Variants in SRPK2 observed in about 807,000 individuals in gnomAD.
SRPK2 encodes SRSF protein kinase 2.
Under a neutral mutation model 90.8 loss-of-function variants are expected in SRPK2, and 21 were observed. That is an observed-to-expected ratio of 0.23 (90% CI 0.16 to 0.33). The LOEUF is 0.33. Ranked by LOEUF, SRPK2 falls within the 10% of genes least tolerant of loss-of-function variation. The pLI, the probability that SRPK2 is intolerant of heterozygous loss-of-function variation, is 1.00. For missense variants in SRPK2, 620 were observed against 869.0 expected, an observed-to-expected ratio of 0.71 and a Z score of 3.60; for synonymous variants, 288 against 311.1, an observed-to-expected ratio of 0.93 and a Z score of 0.78.
Position 105,388,848 on chromosome 7 carries a change from A to G in SRPK2, c.-42T>C. 1 of 1,311,134 alleles carries G rather than the reference A, an allele frequency of 7.6e-7. No homozygotes were observed. The highest frequency in any genetic ancestry group is 3.2e-5 in the East Asian group (1 of 31,666). The allele number at this position is 1,311,134 out of a possible 1,614,324, so 81.2% of individuals were successfully genotyped here. On this transcript the variant is annotated 5_prime_UTR_variant, in exon 1 of 16. Transcript: ENST00000393651. ...CGGGGCGGGGGGCTTCGCGACGGCGACGCGGGCGCCGAGACGAGCTGGGCT... is the reference window on the plus strand; with the variant it reads ...CGGGGCGGGGGGCTTCGCGACGGCGGCGCGGGCGCCGAGACGAGCTGGGCT...
intron 2 of SRPK2, among the ~76,000 whole-genome samples, chr7:105,385,436 A>T (rs1821459420): frequency 6.6e-6 from 1 of 151,750 alleles, no homozygotes; most frequent in African/African-American, 2.4e-5. Flanking sequence ...TCGGCCTCCC[A>T]AAGTGCTGGG....
At chr7:105,372,816 T>C (rs1302874026) in intron 2 of SRPK2, among the ~76,000 whole-genome samples, 1 of 152,088 alleles carries the variant, frequency 6.6e-6, no homozygotes, top group African/African-American at 2.4e-5. Flanking sequence ...CGACTGGGCA[T>C]GGTGGCTCAC....
intron 2 of SRPK2, among the ~76,000 whole-genome samples, chr7:105,323,673 T>C (rs1009981084): frequency 2.0e-5 from 3 of 152,152 alleles, no homozygotes; most frequent in Non-Finnish European, 2.9e-5. Flanking sequence ...ACACAAAACA[T>C]AAAGGAATAG....
chr7:105,255,105 T>A (rs922044659), intron 2 of SRPK2, among the ~76,000 whole-genome samples: 2 of 88,756 alleles, frequency 2.3e-5, no homozygotes, highest in African/African-American at 6.3e-5. Context: ...TTATCTGAAA[T>A]TTCTAAAATA....
At chr7:105,151,340 T>C (rs1025653201) in intron 7 of SRPK2, among the ~76,000 whole-genome samples, 35 of 152,188 alleles carry the variant, frequency 2.3e-4, no homozygotes, top group African/African-American at 7.5e-4. Flanking sequence ...TTTAAGCTGT[T>C]TGAGCTTTCA....
intron 2 of SRPK2, among the ~76,000 whole-genome samples, chr7:105,275,705 T>C (rs1198851582): frequency 6.6e-6 from 1 of 152,062 alleles, no homozygotes; most frequent in Non-Finnish European, 1.5e-5. Context: ...TACCAGTAAC[T>C]CTACTCAAAA....
intron 2 of SRPK2, chr7:105,206,036 A>G (rs183756614): frequency 5.8e-6 from 3 of 518,214 alleles, no homozygotes; most frequent in African/African-American, 1.9e-5. Flanking sequence ...ACTTAGCACA[A>G]TGGATTCTTG....
chr7:105,294,762 C>A (rs1350905185), intron 2 of SRPK2, among the ~76,000 whole-genome samples: 1 of 152,110 alleles, frequency 6.6e-6, no homozygotes, highest in African/African-American at 2.4e-5. Context: ...CTGACCTCAA[C>A]TGATCTGCCC....
chr7:105,298,303 T>G (rs1310816719), intron 2 of SRPK2, among the ~76,000 whole-genome samples: 1 of 152,218 alleles, frequency 6.6e-6, no homozygotes, highest in Non-Finnish European at 1.5e-5. Flanking sequence ...GCTGCATGTA[T>G]TAGTAGTAGT....
At chr7:105,244,899 G>T (rs996240667) in intron 2 of SRPK2, 4 of 1,468,330 alleles carry the variant, frequency 2.7e-6, no homozygotes, top group Non-Finnish European at 3.8e-6. Context: ...GCACATCCGC[G>T]CCAAGAGGAA....
intron 3 of SRPK2, among the ~76,000 whole-genome samples, chr7:105,174,525 C>G (rs1189351527): frequency 6.6e-6 from 1 of 151,752 alleles, no homozygotes; most frequent in Non-Finnish European, 1.5e-5. Context: ...TTTCAAAGGA[C>G]TAGGGAAAGC....
At chr7:105,277,250 G>A (rs1563181927) in intron 2 of SRPK2, among the ~76,000 whole-genome samples, 1 of 151,966 alleles carries the variant, frequency 6.6e-6, no homozygotes, top group Admixed American at 6.6e-5. Context: ...CTAATTTTTT[G>A]TATTTTTAGG....
chr7:105,385,325 C>T (rs981289078), intron 2 of SRPK2, among the ~76,000 whole-genome samples: 2 of 151,298 alleles, frequency 1.3e-5, no homozygotes, highest in Admixed American at 6.6e-5. Flanking sequence ...AGACTACAGG[C>T]GCCCGCCACC....
intron 2 of SRPK2, chr7:105,269,194 A>C (rs927063347): frequency 6.0e-5 from 36 of 600,732 alleles, no homozygotes; most frequent in Non-Finnish European, 6.9e-5. Context: ...CAAACAAGAA[A>C]TCTTGAACAT....
chr7:105,203,812 T>C lies in SRPK2; in HGVS notation c.72-27A>G, dbSNP rs779078805. 1.9e-6 allele frequency: 3 copies of C among 1,553,738 alleles called. No homozygotes were observed. In the South Asian group the frequency reaches 3.6e-5, roughly 18 times the overall value. ...TGAAAGAGCAGAGAGAAAATTGCTATTTACTTAGAAGTACATCTTGCATTA... is the reference window on the plus strand; with the variant it reads ...TGAAAGAGCAGAGAGAAAATTGCTACTTACTTAGAAGTACATCTTGCATTA... On this transcript the variant is annotated intron_variant, in intron 2 of 15. Transcript: ENST00000393651.
intron 2 of SRPK2, among the ~76,000 whole-genome samples, chr7:105,252,462 AAAG>A (rs1488263966): frequency 1.3e-5 from 2 of 152,206 alleles, no homozygotes; most frequent in Non-Finnish European, 2.9e-5. Flanking sequence ...TCTCATCTGA[AAAG>A]AAAAAGTTGA....
rs1490460977 is a variant in SRPK2, at chr7:105,118,031, G to GA, written c.1916-10dup. On this transcript the variant is annotated splice_polypyrimidine_tract_variant and intron_variant, in intron 15 of 15. Coordinates refer to ENST00000393651, the MANE Select transcript of SRPK2 (RefSeq NM_182692.3). ...GATGTGTCGCAGTTCTCCTACAGGG[G>GA]AAAAAACAGGCCAATGTCAAGAAAG... The GA allele has an allele frequency of 8.7e-6, 14 of 1,609,438 alleles. No homozygotes were observed. In the East Asian group the frequency reaches 8.9e-5, roughly 10 times the overall value.
At chr7:105,293,294 G>C (rs1258578592) in intron 2 of SRPK2, among the ~76,000 whole-genome samples, 1 of 151,438 alleles carries the variant, frequency 6.6e-6, no homozygotes, top group Non-Finnish European at 1.5e-5. Context: ...AAAAAAAAAA[G>C]TATGCCAAGT....
intron 2 of SRPK2, among the ~76,000 whole-genome samples, chr7:105,359,768 A>T (rs1336986234): frequency 6.6e-6 from 1 of 152,126 alleles, no homozygotes; most frequent in Non-Finnish European, 1.5e-5. Context: ...CCATATCTAC[A>T]ATCTGTTTCA....
Sources: allele counts gnomAD v4.1 joint callset (sites outside exome capture counted in the v4.1 genomes callset), GRCh38; gene constraint gnomAD v4.1.1; transcripts MANE v1.5; gene names NCBI Gene and HGNC (gene_info 2026-07-23, HGNC 2026-07-21).